Variants in MYO5B observed in about 807,000 individuals in gnomAD.
MYO5B encodes the protein myosin VB.
In MYO5B, 143 loss-of-function variants were observed where a neutral mutation model predicts 229.3. The ratio of observed to expected loss-of-function variants is 0.62; its 90% CI spans 0.54 to 0.72. The LOEUF (loss-of-function observed/expected upper bound fraction) is 0.72. Among genes scored for constraint, MYO5B ranks in the 30% least tolerant of loss-of-function variants. MYO5B has a pLI of 0.00. For synonymous variants in MYO5B, 918 were observed against 885.2 expected (o/e 1.04, Z -0.66); for missense variants, 2,321 against 2,331.0 (o/e 1.00, Z 0.09).
chr18:50,109,977 C>G (rs1273025721), intron 1 of MYO5B, among the ~76,000 whole-genome samples: 1 of 152,152 alleles, frequency 6.6e-6, no homozygotes, highest in Non-Finnish European at 1.5e-5. Flanking sequence ...AGGCCCTACC[C>G]AGTCTGGCCT....
intron 1 of MYO5B, among the ~76,000 whole-genome samples, chr18:50,141,055 A>G (rs1181964887): frequency 6.6e-6 from 1 of 152,238 alleles, no homozygotes; most frequent in Non-Finnish European, 1.5e-5. Context: ...TTACTGCCAC[A>G]TGGCTGACCT....
At chr18:50,071,786 C>T (rs1198857333) in intron 1 of MYO5B, among the ~76,000 whole-genome samples, 1 of 152,228 alleles carries the variant, frequency 6.6e-6, no homozygotes. Flanking sequence ...TAAATGAATA[C>T]AGTGTTTTGT....
intron 35 of MYO5B, 150 bp from the exon 36 acceptor site, chr18:49,839,444 C>T: frequency 3.5e-6 from 3 of 855,936 alleles, no homozygotes; most frequent in Non-Finnish European, 5.8e-6. Flanking sequence ...AAAAGCCTGT[C>T]AGTTCTTTGA....
intron 1 of MYO5B, among the ~76,000 whole-genome samples, chr18:50,073,318 T>C (rs1261388323): frequency 6.6e-6 from 1 of 152,168 alleles, no homozygotes; most frequent in African/African-American, 2.4e-5. Context: ...CAGATGGAAC[T>C]GGCAAAATAA....
At chr18:50,041,178 C>G (rs2030004874) in intron 2 of MYO5B, among the ~76,000 whole-genome samples, 1 of 152,102 alleles carries the variant, frequency 6.6e-6, no homozygotes, top group African/African-American at 2.4e-5. Flanking sequence ...TGAGCCCAAC[C>G]TACTTATCAG....
chr18:50,128,783 CG>C (rs1459406167), intron 1 of MYO5B, among the ~76,000 whole-genome samples: 1 of 152,138 alleles, frequency 6.6e-6, no homozygotes, highest in Non-Finnish European at 1.5e-5. Flanking sequence ...CTGTGACATG[CG>C]TACCAGAAGG....
rs1555647593 is a variant in MYO5B, at chr18:49,963,411, A to ATTT, written c.1323-382_1323-381insAAA. Among the ~76,000 whole-genome samples the ATTT allele has an allele frequency of 2.3e-3, 343 of 148,444 alleles. 1 individual carries two copies. The highest frequency in any genetic ancestry group is 4.6e-3 in the African/African-American group (177 of 38,664). The stretch of plus-strand genomic sequence containing the variant: ...TTTTACTTATTTAATTTAATTAATT[A>ATTT]ATTAATTTATTTATTTATTTATTTA... On this transcript the variant is annotated intron_variant, in intron 10 of 39. Coordinates refer to ENST00000285039, the MANE Select transcript of MYO5B (RefSeq NM_001080467.3).
intron 14 of MYO5B, among the ~76,000 whole-genome samples, chr18:49,951,995 T>C (rs2025435741): frequency 6.6e-6 from 1 of 152,186 alleles, no homozygotes; most frequent in African/African-American, 2.4e-5. Context: ...TGATATTCAC[T>C]TTTACCCACG....
intron 1 of MYO5B, among the ~76,000 whole-genome samples, chr18:50,161,904 C>A (rs549605939): frequency 5.9e-5 from 9 of 152,348 alleles, no homozygotes; most frequent in African/African-American, 1.4e-4. Flanking sequence ...TTCAAAGATG[C>A]CCCATTCAGG....
intron 1 of MYO5B, among the ~76,000 whole-genome samples, chr18:50,106,287 C>G (rs2031758489): frequency 6.6e-6 from 1 of 152,136 alleles, no homozygotes. Context: ...TGGTATGACC[C>G]CACATCAACG....
At chr18:49,985,549 C>T (rs2025861612) in intron 7 of MYO5B, among the ~76,000 whole-genome samples, 1 of 152,140 alleles carries the variant, frequency 6.6e-6, no homozygotes, top group African/African-American at 2.4e-5. Context: ...GGAAGCAGGG[C>T]TTAAAAGTGA....
chr18:50,117,712 C>G lies in MYO5B; in HGVS notation c.28-62334G>C, dbSNP rs1260663136. Among the ~76,000 whole-genome samples, 8 of 152,290 alleles carry G rather than the reference C, an allele frequency of 5.3e-5. No individual in the cohort carries two copies. The South Asian group carries it at 1.7e-3, about 32-fold the overall frequency. ...CACAGCAGGAGAGAAAGAAAAGCTA[C>G]AGGCAGACCCAAACAGCTTCCCAGC... On this transcript the variant is annotated intron_variant, in intron 1 of 39. Transcript: ENST00000285039.
intron 4 of MYO5B, among the ~76,000 whole-genome samples, chr18:50,026,175 G>C (rs895751599): frequency 2.0e-5 from 3 of 152,192 alleles, no homozygotes; most frequent in African/African-American, 7.2e-5. Context: ...AAGAAAAGCT[G>C]CTTTCTGGCA....
intron 4 of MYO5B, among the ~76,000 whole-genome samples, chr18:50,025,467 C>A (rs2026320451): frequency 6.6e-6 from 1 of 152,204 alleles, no homozygotes; most frequent in Admixed American, 6.5e-5. Context: ...AGGATCTCCT[C>A]CCATCTCCTC....
At chr18:50,116,583 C>G (rs1178131760) in intron 1 of MYO5B, among the ~76,000 whole-genome samples, 1 of 152,062 alleles carries the variant, frequency 6.6e-6, no homozygotes, top group Non-Finnish European at 1.5e-5. Flanking sequence ...GCCAAGTTCT[C>G]AATTAACCCA....
chr18:50,037,364 C>T (rs895508722), intron 3 of MYO5B, among the ~76,000 whole-genome samples: 1 of 152,138 alleles, frequency 6.6e-6, no homozygotes, highest in African/African-American at 2.4e-5. Flanking sequence ...AAATCCATCT[C>T]AGAACTAAAA....
chr18:50,164,118 T>C (rs1019600101), intron 1 of MYO5B, among the ~76,000 whole-genome samples: 1 of 152,182 alleles, frequency 6.6e-6, no homozygotes, highest in Non-Finnish European at 1.5e-5. Context: ...GCTATCCTGA[T>C]GCAGGAGTCA....
chr18:49,956,395 G>A (rs1330185842), intron 12 of MYO5B, among the ~76,000 whole-genome samples: 1 of 152,184 alleles, frequency 6.6e-6, no homozygotes, highest in Non-Finnish European at 1.5e-5. Context: ...TATCAGGTTG[G>A]TGCAAAAGTA....
At chr18:49,911,650 GC>G (rs1472247977) in intron 18 of MYO5B, among the ~76,000 whole-genome samples, 1 of 152,164 alleles carries the variant, frequency 6.6e-6, no homozygotes, top group Admixed American at 6.5e-5. Flanking sequence ...TCTGATCAGG[GC>G]CCAGTCACAA....
Sources: gnomAD v4.1 joint callset for allele counts (sites outside exome capture counted in the v4.1 genomes callset) on GRCh38, gnomAD v4.1.1 for gene constraint, MANE v1.5 for transcripts, NCBI Gene and HGNC (gene_info 2026-07-23, HGNC 2026-07-21) for gene names.